STXBP5L: variants seen among roughly 807,000 people sequenced by gnomAD.
The protein encoded by STXBP5L is syntaxin-binding protein 5-like.
A neutral mutation model predicts 144.5 loss-of-function variants in STXBP5L; 65 were observed. The ratio of observed to expected loss-of-function variants is 0.45; its 90% CI spans 0.37 to 0.55. The LOEUF (loss-of-function observed/expected upper bound fraction) is 0.55. Among genes scored for constraint, STXBP5L ranks in the 20% least tolerant of loss-of-function variants. The probability of loss-of-function intolerance (pLI) is 0.00; values close to 1 mark genes in which losing one functional copy is unlikely to be tolerated. For missense variants in STXBP5L, 1,298 were observed against 1,405.5 expected (o/e 0.92, Z 1.22); for synonymous variants, 505 against 469.6 (o/e 1.08, Z -0.97).
chr3:120,962,596 G>A (rs904838732), intron 3 of STXBP5L, among the ~76,000 whole-genome samples: 2 of 152,072 alleles, frequency 1.3e-5, no homozygotes, highest in Admixed American at 1.3e-4. Context: ...TAGATGTGTG[G>A]CATTATTTCT....
intron 3 of STXBP5L, among the ~76,000 whole-genome samples, chr3:120,979,243 G>C (rs1364014098): frequency 6.6e-6 from 1 of 152,314 alleles, no homozygotes; most frequent in Admixed American, 6.5e-5. Flanking sequence ...AAGCAAGCCT[G>C]GGCAATGGCA....
chr3:121,007,219 A>G (rs912567748), intron 3 of STXBP5L, among the ~76,000 whole-genome samples: 3 of 152,130 alleles, frequency 2.0e-5, no homozygotes, highest in African/African-American at 7.2e-5. Flanking sequence ...AAGTTACTTT[A>G]CATTTCTGTG....
chr3:121,408,561 A>G (rs1330798880), intron 23 of STXBP5L, among the ~76,000 whole-genome samples: 1 of 152,040 alleles, frequency 6.6e-6, no homozygotes, highest in Non-Finnish European at 1.5e-5. Flanking sequence ...AAGTCACAGC[A>G]TAGTTGAACA....
At chr3:120,986,238 T>A (rs930588506) in intron 3 of STXBP5L, among the ~76,000 whole-genome samples, 4 of 151,998 alleles carry the variant, frequency 2.6e-5, no homozygotes, top group African/African-American at 9.6e-5. Flanking sequence ...CATCCCATTG[T>A]GGCTGGAGAA....
rs555818746 is a variant in STXBP5L at position 121,288,341 on chromosome 3, C to A, written c.2110+8385C>A. Among the ~76,000 whole-genome samples the A allele has an allele frequency of 3.9e-5, 6 of 152,254 alleles. No homozygotes were observed. The South Asian group carries it at 1.2e-3, about 32-fold the overall frequency. On this transcript the variant is annotated intron_variant, in intron 19 of 26. Coordinates refer to ENST00000471454, the MANE Select transcript of STXBP5L (RefSeq NM_001308330.2). ...TTATGGTAAACCACAAGTTATATTTCTTCGGGTATATACATAATAGTGGGA... is the reference window on the plus strand; with the variant it reads ...TTATGGTAAACCACAAGTTATATTTATTCGGGTATATACATAATAGTGGGA...
intron 3 of STXBP5L, among the ~76,000 whole-genome samples, chr3:120,991,881 C>A (rs1052102561): frequency 6.6e-6 from 1 of 152,042 alleles, no homozygotes; most frequent in Non-Finnish European, 1.5e-5. Context: ...TTAATGGGTG[C>A]AGCATACCAA....
chr3:121,030,763 A>G (rs1415411469), intron 3 of STXBP5L, among the ~76,000 whole-genome samples: 1 of 152,118 alleles, frequency 6.6e-6, no homozygotes, highest in Non-Finnish European at 1.5e-5. Flanking sequence ...CCATCTGTGT[A>G]TTAACATGTC....
At chr3:121,118,924 C>A (rs1196409418) in intron 6 of STXBP5L, among the ~76,000 whole-genome samples, 7 of 151,310 alleles carry the variant, frequency 4.6e-5, no homozygotes, top group African/African-American at 7.3e-5. Context: ...ATAAGACTTT[C>A]AAGTGGAGTT....
intron 9 of STXBP5L, among the ~76,000 whole-genome samples, chr3:121,165,246 A>G (rs370106988): frequency 2.0e-5 from 3 of 152,322 alleles, no homozygotes; most frequent in South Asian, 4.1e-4. Context: ...TAGTTTATAT[A>G]TGAATGTTTT....
chr3:121,184,914 C>T (rs1361690704), intron 9 of STXBP5L, among the ~76,000 whole-genome samples: 1 of 152,160 alleles, frequency 6.6e-6, no homozygotes, highest in Non-Finnish European at 1.5e-5. Context: ...CAATATTCAA[C>T]ATTCTTAAAG....
At chr3:120,934,491 A>G (rs545158182) in intron 2 of STXBP5L, among the ~76,000 whole-genome samples, 2 of 152,070 alleles carry the variant, frequency 1.3e-5, no homozygotes, top group Non-Finnish European at 2.9e-5. Context: ...AAAATATTCT[A>G]TAAATGCCAA....
At chr3:121,202,156 T>C (rs930379226) in intron 9 of STXBP5L, among the ~76,000 whole-genome samples, 5 of 152,158 alleles carry the variant, frequency 3.3e-5, no homozygotes, top group African/African-American at 1.2e-4. Flanking sequence ...TTATTAAATC[T>C]TATATAATTG....
chr3:121,184,469 T>C (rs574398632), intron 9 of STXBP5L, among the ~76,000 whole-genome samples: 1 of 151,054 alleles, frequency 6.6e-6, no homozygotes, highest in South Asian at 2.1e-4. Flanking sequence ...ATATCAGAGA[T>C]TGAAGATCAC....
intron 18 of STXBP5L, among the ~76,000 whole-genome samples, chr3:121,274,610 G>A (rs769273370): frequency 2.0e-5 from 3 of 152,250 alleles, no homozygotes; most frequent in African/African-American, 4.8e-5. Flanking sequence ...GGTGCCCAGA[G>A]CAGCCATGAA....
intron 20 of STXBP5L, among the ~76,000 whole-genome samples, chr3:121,378,515 C>T (rs1013419435): frequency 2.0e-5 from 3 of 152,054 alleles, no homozygotes; most frequent in Admixed American, 2.0e-4. Context: ...GAATCTTATA[C>T]TTAATAAATA....
chr3:121,347,362 A>G (rs990696285), intron 20 of STXBP5L, among the ~76,000 whole-genome samples: 3 of 152,126 alleles, frequency 2.0e-5, no homozygotes, highest in Admixed American at 2.0e-4. Context: ...GTAGCCTTGT[A>G]GTGTAGTTTG....
At chr3:121,376,606 G>T (rs776697712) in intron 20 of STXBP5L, among the ~76,000 whole-genome samples, 1 of 152,060 alleles carries the variant, frequency 6.6e-6, no homozygotes, top group Non-Finnish European at 1.5e-5. Flanking sequence ...CTGTTTTGGT[G>T]CCAGTATCAT....
At chr3:120,934,399 A>G (rs990252100) in intron 2 of STXBP5L, among the ~76,000 whole-genome samples, 3 of 151,970 alleles carry the variant, frequency 2.0e-5, no homozygotes, top group African/African-American at 7.2e-5. Flanking sequence ...TTGTTAAGGT[A>G]TGTTTTATGG....
chr3:121,030,221 A>G (rs1405741733), intron 3 of STXBP5L, among the ~76,000 whole-genome samples: 1 of 152,206 alleles, frequency 6.6e-6, no homozygotes, highest in Non-Finnish European at 1.5e-5. Flanking sequence ...ATAAAGACAC[A>G]TGCACACATA....
Sources: allele counts gnomAD v4.1 joint callset (sites outside exome capture counted in the v4.1 genomes callset), GRCh38; gene constraint gnomAD v4.1.1; transcripts MANE v1.5; gene names NCBI Gene and HGNC (gene_info 2026-07-23, HGNC 2026-07-21).